The following MAGI3 variants were observed in gnomAD, a reference collection of about 807,000 sequenced individuals.
The protein encoded by MAGI3 is membrane associated guanylate kinase, WW and PDZ domain containing 3.
Under a neutral mutation model 121.8 loss-of-function variants are expected in MAGI3, and 43 were observed. The observed-to-expected ratio is 0.35, with a 90% CI of 0.28 to 0.46. MAGI3 has a LOEUF of 0.46. Ranked by LOEUF, MAGI3 falls within the 20% of genes least tolerant of loss-of-function variation. The probability of loss-of-function intolerance (pLI) is 1.00; values close to 1 mark genes in which losing one functional copy is unlikely to be tolerated. For missense variants in MAGI3, 1,547 were observed against 1,797.3 expected, an observed-to-expected ratio of 0.86 and a Z score of 2.52; for synonymous variants, 553 against 639.3, an observed-to-expected ratio of 0.86 and a Z score of 2.04.
intron 8 of MAGI3, among the ~76,000 whole-genome samples, chr1:113,622,338 G>T (rs1438661520): frequency 2.3e-5 from 1 of 43,260 alleles, no homozygotes; most frequent in Non-Finnish European, 4.3e-5. Context: ...CATTTCAAAA[G>T]AACTATGTAT....
At chr1:113,619,691 C>A in intron 7 of MAGI3, 45 bp from the exon 8 acceptor site, 1 of 1,257,718 alleles carries the variant, frequency 8.0e-7, no homozygotes, top group South Asian at 1.2e-5. Context: ...GAATATGTTA[C>A]TGTTTTATTT....
rs965040946 is a variant in MAGI3, at chr1:113,623,133, A to G, written c.1360+139A>G. Reference sequence around the variant, plus strand: ...AGAGATTCCAGTATTAAAATAGTTTATACTTTAATTTAAAAAAAAGTTGTA... The same window carrying G: ...AGAGATTCCAGTATTAAAATAGTTTGTACTTTAATTTAAAAAAAAGTTGTA... On this transcript the variant is annotated intron_variant, in intron 9 of 20. Coordinates refer to ENST00000307546, the MANE Select transcript of MAGI3 (RefSeq NM_001142782.2). 42 of 642,920 alleles carry G rather than the reference A, an allele frequency of 6.5e-5. No individual in the cohort carries two copies. In the African/African-American group the frequency reaches 7.9e-4, roughly 12 times the overall value. The allele number at this position is 642,920 out of a possible 1,614,324, so 39.8% of individuals were successfully genotyped here. A position where few individuals can be genotyped will look rare whatever the true frequency, so the allele number is the denominator to read the frequency against.
intron 1 of MAGI3, among the ~76,000 whole-genome samples, chr1:113,418,558 C>T (rs1652572909): frequency 6.6e-6 from 1 of 152,076 alleles, no homozygotes; most frequent in Admixed American, 6.6e-5. Flanking sequence ...TTATGCTATT[C>T]ATTTGTAATA....
chr1:113,680,975 T>C (rs559345464), intron 19 of MAGI3, among the ~76,000 whole-genome samples: 2 of 152,298 alleles, frequency 1.3e-5, no homozygotes, highest in South Asian at 2.1e-4. Context: ...TATAAAACTT[T>C]CCTGTGTAGG....
intron 1 of MAGI3, among the ~76,000 whole-genome samples, chr1:113,511,676 C>A (rs1657621904): frequency 6.6e-6 from 1 of 152,194 alleles, no homozygotes; most frequent in Non-Finnish European, 1.5e-5. Flanking sequence ...ACTTTCTAGA[C>A]AACCTTGAAC....
At chr1:113,536,139 CAT>C (rs1162073190) in intron 1 of MAGI3, among the ~76,000 whole-genome samples, 10 of 111,688 alleles carry the variant, frequency 9.0e-5, no homozygotes, top group Non-Finnish European at 1.6e-4. Context: ...TACTAGAAGA[CAT>C]GTGTTTTTTT....
chr1:113,505,014 G>A (rs1004696934), intron 1 of MAGI3, among the ~76,000 whole-genome samples: 1 of 152,118 alleles, frequency 6.6e-6, no homozygotes, highest in Admixed American at 6.5e-5. Flanking sequence ...ATGAGTGTGT[G>A]AACCTACACA....
rs1189866229 is a variant in MAGI3, at chr1:113,416,191, A to AATGACACATATTATTATG, written c.316+24842_316+24843insATGACACATATTATTATG. Reference sequence around the variant, plus strand: ...ATGTAATTAATGACACATATTAATTATGTAATTAATGACACATATTATTAT... The same window carrying AATGACACATATTATTATG: ...ATGTAATTAATGACACATATTAATTAATGACACATATTATTATGTGTAATTAATGACACATATTATTAT... On this transcript the variant is annotated intron_variant, in intron 1 of 20. Transcript: ENST00000307546. Among the ~76,000 whole-genome samples the AATGACACATATTATTATG allele has an allele frequency of 9.6e-5, 6 of 62,300 alleles. 1 individual carries two copies. Among genetic ancestry groups the AATGACACATATTATTATG allele is most frequent in the Admixed American group, 1.7e-4 (1 of 5,720 alleles). 40.9% of individuals were successfully genotyped at this position (62,300 alleles called of 152,430 possible). A position where few individuals can be genotyped will look rare whatever the true frequency, so the allele number is the denominator to read the frequency against.
intron 1 of MAGI3, among the ~76,000 whole-genome samples, chr1:113,487,360 T>C (rs1352973765): frequency 6.6e-6 from 1 of 152,310 alleles, no homozygotes; most frequent in Admixed American, 6.5e-5. Context: ...ATCCAGGGTC[T>C]CTACTATAAT....
intron 4 of MAGI3, among the ~76,000 whole-genome samples, chr1:113,589,607 G>T (rs1648575849): frequency 6.6e-6 from 1 of 152,028 alleles, no homozygotes; most frequent in Non-Finnish European, 1.5e-5. Context: ...AAATAGTAGG[G>T]CATGGTTAGA....
intron 16 of MAGI3, among the ~76,000 whole-genome samples, chr1:113,664,544 C>T (rs969250633): frequency 6.6e-6 from 1 of 152,086 alleles, no homozygotes; most frequent in Non-Finnish European, 1.5e-5. Context: ...CATAGCAAGA[C>T]CTTATCTCTT....
chr1:113,585,635 G>A, intron 4 of MAGI3, 39 bp downstream of exon 4: 1 of 1,531,222 alleles, frequency 6.5e-7, no homozygotes, highest in Non-Finnish European at 8.9e-7. Context: ...TGATCTTCTA[G>A]ATTGATTTTA....
At chr1:113,495,128 T>A (rs1656856752) in intron 1 of MAGI3, among the ~76,000 whole-genome samples, 1 of 152,144 alleles carries the variant, frequency 6.6e-6, no homozygotes, top group Non-Finnish European at 1.5e-5. Flanking sequence ...CTTCAAGAAA[T>A]GCAACAAAAT....
chr1:113,465,131 C>T (rs941071134), intron 1 of MAGI3, among the ~76,000 whole-genome samples: 4 of 151,848 alleles, frequency 2.6e-5, no homozygotes, highest in East Asian at 3.9e-4. Context: ...TTCAGTTGTT[C>T]GAGGTCTTAG....
At chr1:113,427,392 T>C (rs1192843545) in intron 1 of MAGI3, among the ~76,000 whole-genome samples, 1 of 152,202 alleles carries the variant, frequency 6.6e-6, no homozygotes, top group Non-Finnish European at 1.5e-5. Context: ...AGGAGATTGC[T>C]TCCCCTGGCT....
chr1:113,617,392 G>A (rs1304859933), intron 7 of MAGI3, among the ~76,000 whole-genome samples: 1 of 152,076 alleles, frequency 6.6e-6, no homozygotes, highest in Non-Finnish European at 1.5e-5. Flanking sequence ...AATTTGTTGT[G>A]TCTTAATAAT....
chr1:113,492,250 A>T (rs1656706682), intron 1 of MAGI3, among the ~76,000 whole-genome samples: 1 of 152,232 alleles, frequency 6.6e-6, no homozygotes, highest in Non-Finnish European at 1.5e-5. Flanking sequence ...TCACATAAAC[A>T]CAACTAAAGA....
chr1:113,623,729 C>T (rs960778179), intron 9 of MAGI3, among the ~76,000 whole-genome samples: 11 of 151,948 alleles, frequency 7.2e-5, no homozygotes, highest in African/African-American at 1.9e-4. Context: ...CCTCGTGATC[C>T]GCCTGCCTTG....
chr1:113,579,197 C>G (rs115490565), intron 2 of MAGI3, among the ~76,000 whole-genome samples: 2 of 152,032 alleles, frequency 1.3e-5, no homozygotes, highest in Non-Finnish European at 2.9e-5. Flanking sequence ...TGAATCAAAT[C>G]GACATGGTTT....
Sources: gnomAD v4.1 joint callset for allele counts (sites outside exome capture counted in the v4.1 genomes callset) on GRCh38, gnomAD v4.1.1 for gene constraint, MANE v1.5 for transcripts, NCBI Gene and HGNC (gene_info 2026-07-23, HGNC 2026-07-21) for gene names.